The following ABCA12 variants were observed in gnomAD, a reference collection of about 807,000 sequenced individuals.
ABCA12 encodes ATP binding cassette subfamily A member 12, also known as glucosylceramide transporter ABCA12.
Under a neutral mutation model 293.5 loss-of-function variants are expected in ABCA12, and 156 were observed. That is an observed-to-expected ratio of 0.53 (90% confidence interval 0.47 to 0.61). The LOEUF (loss-of-function observed/expected upper bound fraction) is 0.61. Among genes scored for constraint, ABCA12 ranks in the 20% least tolerant of loss-of-function variants. The pLI is 0.00. For synonymous variants in ABCA12, 1,063 were observed against 1,108.0 expected (o/e 0.96, Z 0.81); for missense variants, 2,797 against 3,090.2 (o/e 0.91, Z 2.25).
chr2:214,941,626 G>A (rs566570100), intron 50 of ABCA12, among the ~76,000 whole-genome samples: 16 of 152,034 alleles, frequency 1.1e-4, no homozygotes, highest in Middle Eastern at 3.4e-3. Context: ...TATGAATCTC[G>A]GTGCTCCTGT....
intron 1 of ABCA12, among the ~76,000 whole-genome samples, chr2:215,116,048 A>G (rs1358759170): frequency 6.6e-6 from 1 of 152,244 alleles, no homozygotes; most frequent in Non-Finnish European, 1.5e-5. Context: ...GGTAATTATA[A>G]CAATTGGAAA....
intron 3 of ABCA12, among the ~76,000 whole-genome samples, chr2:215,062,615 G>A (rs1219976451): frequency 2.6e-5 from 4 of 151,906 alleles, no homozygotes; most frequent in Admixed American, 2.0e-4. Context: ...TATTGCAACC[G>A]TGTTAGCTGA....
intron 52 of ABCA12, 62 bp downstream of exon 52, chr2:214,934,016 C>T: frequency 6.5e-7 from 1 of 1,527,162 alleles, no homozygotes; most frequent in Non-Finnish European, 9.0e-7. Flanking sequence ...AAAGAAATAA[C>T]CAGAATGAAT....
At chr2:215,039,819 T>C (rs998920124) in intron 7 of ABCA12, among the ~76,000 whole-genome samples, 1 of 151,996 alleles carries the variant, frequency 6.6e-6, no homozygotes, top group Admixed American at 6.5e-5. Flanking sequence ...ATTTTAATAA[T>C]ATATTTTAAC....
chr2:215,003,567 G>A (rs1700187441), intron 20 of ABCA12, among the ~76,000 whole-genome samples: 1 of 151,904 alleles, frequency 6.6e-6, no homozygotes, highest in Non-Finnish European at 1.5e-5. Context: ...TTAAGGACTT[G>A]CATTTCATCA....
chr2:215,064,688 TACACGCAC>T (rs1411051714), intron 2 of ABCA12, among the ~76,000 whole-genome samples: 1,537 of 128,676 alleles, frequency 0.012, 32 homozygotes, highest in African/African-American at 0.046. Context: ...AATCTTTTAA[TACACGCAC>T]ACACACACAC....
At chr2:214,958,155 A>C (rs1239200663) in intron 41 of ABCA12, 122 bp downstream of exon 41, 1 of 1,346,010 alleles carries the variant, frequency 7.4e-7, no homozygotes, top group East Asian at 2.3e-5. Flanking sequence ...CATTTTCTTT[A>C]TTTCCTGTCT....
At chr2:215,069,990 C>T (rs995174087) in intron 2 of ABCA12, among the ~76,000 whole-genome samples, 3 of 152,118 alleles carry the variant, frequency 2.0e-5, no homozygotes, top group Non-Finnish European at 4.4e-5. Context: ...TGGGGGAGTC[C>T]GAGGAAGACT....
chr2:215,048,370 T>C (rs1020712897), intron 6 of ABCA12, among the ~76,000 whole-genome samples: 1 of 152,006 alleles, frequency 6.6e-6, no homozygotes, highest in Non-Finnish European at 1.5e-5. Context: ...TGCACACATA[T>C]GTTAACTGCA....
At chr2:215,040,135 C>A (rs564719786) in intron 7 of ABCA12, among the ~76,000 whole-genome samples, 1 of 152,066 alleles carries the variant, frequency 6.6e-6, no homozygotes, top group South Asian at 2.1e-4. Context: ...TCCTTAGGCA[C>A]ACTAGCACAT....
chr2:215,044,155 T>C (rs1165618107), intron 7 of ABCA12, among the ~76,000 whole-genome samples: 1 of 152,134 alleles, frequency 6.6e-6, no homozygotes, highest in East Asian at 1.9e-4. Flanking sequence ...GTGTATATTT[T>C]CATTTTCTTG....
chr2:214,970,294 G>A lies in ABCA12; in HGVS notation c.5669C>T (p.Ala1890Val). ...TTACCTTTTTTGGACAAACTCATTT[G>A]CAGTTGATATAAGATAATTTTCCAC... is the stretch of plus-strand genomic sequence containing the variant. Reference protein sequence around the residue: ...QRVENYLISTANEFVQKRYGG... With the variant: ...QRVENYLISTVNEFVQKRYGG... Residue 1890 changes from alanine (A) to valine (V), a missense_variant, in exon 37 of 53, where the codon GCA (alanine) becomes GTA (valine). Ala to Val is a moderately conservative substitution (Grantham distance 64). Around this residue, in one of 3 missense-constraint regions of ABCA12, gnomAD observed 2,130 missense variants for 2,427.0 expected, o/e 0.88. Coordinates refer to ENST00000272895, the MANE Select transcript of ABCA12 (RefSeq NM_173076.3). The A allele has an allele frequency of 1.2e-6, 2 of 1,612,488 alleles. No homozygotes were observed. The highest frequency in any genetic ancestry group is 1.7e-6 in the Non-Finnish European group (2 of 1,179,200).
At position 215,102,333 on chromosome 2, in the gene ABCA12, G is replaced by A. The variant is rs112223767; in HGVS notation, c.163+9264C>T. On this transcript the variant is annotated intron_variant, in intron 2 of 52. Transcript: ENST00000272895. ...TAAAGTCTAGGCCTGACGCAATGGCGCATGCCTGTAATCCCAGCACTTTGG... is the reference window on the plus strand; with the variant it reads ...TAAAGTCTAGGCCTGACGCAATGGCACATGCCTGTAATCCCAGCACTTTGG... Among the ~76,000 whole-genome samples, 556 of 152,248 alleles carry A rather than the reference G, an allele frequency of 3.7e-3. 4 individuals are homozygous for A. The highest frequency in any genetic ancestry group is 0.012 in the African/African-American group (510 of 41,568).
rs1304794377 is a variant in ABCA12 at position 215,019,381 on chromosome 2, C to T, written c.1612G>A (p.Ala538Thr). 1.2e-6 allele frequency: 2 copies of T among 1,613,080 alleles called. No individual in the cohort carries two copies. Among genetic ancestry groups the T allele is most frequent in the East Asian group, 2.2e-5 (1 of 44,876 alleles). ...NITQLIPIIE[A>T]MLHVNNSADA... The stretch of plus-strand genomic sequence containing the variant: ...GCACTGTTATTGACATGCAGCATGG[C>T]TTCTATGATCGGTATTAACTGAGTG... The change falls in exon 13 of 53, where the codon GCC (alanine) becomes ACC (threonine). Residue 538 changes from alanine (A) to threonine (T), a missense_variant. Transcript: ENST00000272895.
At chr2:215,042,885 A>G (rs1701128118) in intron 7 of ABCA12, among the ~76,000 whole-genome samples, 1 of 152,038 alleles carries the variant, frequency 6.6e-6, no homozygotes, top group African/African-American at 2.4e-5. Context: ...TCATTATTCT[A>G]CATTCTACTA....
At chr2:215,040,340 A>G (rs1403497899) in intron 7 of ABCA12, among the ~76,000 whole-genome samples, 2 of 152,262 alleles carry the variant, frequency 1.3e-5, no homozygotes, top group African/African-American at 2.4e-5. Context: ...AAATATAAAG[A>G]AAACATATAA....
chr2:215,056,538 A>G (rs1186768001), intron 3 of ABCA12, among the ~76,000 whole-genome samples: 5 of 151,958 alleles, frequency 3.3e-5, no homozygotes, highest in Admixed American at 2.0e-4. Context: ...TTTGGAAGCA[A>G]GAGTTGGATA....
chr2:215,130,723 G>A (rs2105916943), intron 1 of ABCA12, among the ~76,000 whole-genome samples: 1 of 152,174 alleles, frequency 6.6e-6, no homozygotes, highest in South Asian at 2.1e-4. Context: ...CAATTTGGAT[G>A]CCTCTTATTT....
At chr2:215,044,872 G>C (rs10181661) in intron 7 of ABCA12, among the ~76,000 whole-genome samples, 5 of 151,990 alleles carry the variant, frequency 3.3e-5, no homozygotes, top group Non-Finnish European at 5.9e-5. Context: ...AAAGTAAAAA[G>C]CAATCTCTTC....
Sources: gnomAD v4.1 joint callset for allele counts (sites outside exome capture counted in the v4.1 genomes callset) on GRCh38, gnomAD v4.1.1 for gene constraint, gnomAD v4.1.1 regional missense constraint, MANE v1.5 for transcripts, NCBI Gene and HGNC (gene_info 2026-07-23, HGNC 2026-07-21) for gene names.